The following ARL13B variants were observed in gnomAD, a reference collection of about 807,000 sequenced individuals.
ARL13B encodes ARF like GTPase 13B, also known as ADP-ribosylation factor-like protein 13B.
Under a neutral mutation model 56.1 loss-of-function variants are expected in ARL13B, and 36 were observed. The observed-to-expected ratio is 0.64, with a 90% CI of 0.49 to 0.85. The LOEUF is 0.85. Among genes scored for constraint, ARL13B ranks in the 40% least tolerant of loss-of-function variants. The probability of loss-of-function intolerance (pLI) is 0.00; values close to 1 mark genes in which losing one functional copy is unlikely to be tolerated. For missense variants in ARL13B, 519 were observed against 507.1 expected (o/e 1.02, Z -0.23); for synonymous variants, 178 against 171.1 (o/e 1.04, Z -0.32).
chr3:94,032,042 A>G (rs2076685882), intron 3 of ARL13B, among the ~76,000 whole-genome samples: 1 of 152,166 alleles, frequency 6.6e-6, no homozygotes, highest in Admixed American at 6.5e-5. Context: ...CAAAAGCAAA[A>G]GCAACAAAAC....
At chr3:93,991,820 A>G (rs1256389420) in intron 1 of ARL13B, among the ~76,000 whole-genome samples, 1 of 152,244 alleles carries the variant, frequency 6.6e-6, no homozygotes, top group Non-Finnish European at 1.5e-5. Flanking sequence ...ATGCTTTGTT[A>G]TCAGGCTTTG....
chr3:94,002,759 G>A (rs2076074605), intron 2 of ARL13B, among the ~76,000 whole-genome samples: 1 of 151,994 alleles, frequency 6.6e-6, no homozygotes, highest in Non-Finnish European at 1.5e-5. Flanking sequence ...TATATCATTG[G>A]TCTGCCAGAT....
chr3:93,982,966 T>A (rs1388020033), intron 1 of ARL13B, among the ~76,000 whole-genome samples: 1 of 152,178 alleles, frequency 6.6e-6, no homozygotes, highest in African/African-American at 2.4e-5. Flanking sequence ...CAACAGAAAT[T>A]GCCTGTTTGA....
intron 7 of ARL13B, among the ~76,000 whole-genome samples, chr3:94,043,452 C>G (rs1305705347): frequency 6.7e-6 from 1 of 150,004 alleles, no homozygotes; most frequent in African/African-American, 2.5e-5. Flanking sequence ...TCCTTTGTAA[C>G]TTATAAGGAT....
rs957247971 is a variant in ARL13B, at chr3:94,031,065, G to A, written c.381-4266G>A. ...ACACTAGCTGGGCATAGTGGTATGC[G>A]CCTGTAGTCCCAGCTACTTGAGAGG... On this transcript the variant is annotated intron_variant, in intron 3 of 9. Coordinates refer to ENST00000394222, the MANE Select transcript of ARL13B (RefSeq NM_001174150.2). Among the ~76,000 whole-genome samples the A allele has an allele frequency of 2.6e-5, 4 of 152,052 alleles. No homozygotes were observed. In the East Asian group the frequency reaches 5.8e-4, roughly 22 times the overall value.
At chr3:93,988,463 A>G (rs2044272439) in intron 1 of ARL13B, among the ~76,000 whole-genome samples, 1 of 152,228 alleles carries the variant, frequency 6.6e-6, no homozygotes, top group Non-Finnish European at 1.5e-5. Context: ...CAACCAGAGA[A>G]TTATTTCACC....
At chr3:94,015,555 A>C (rs538760546) in intron 3 of ARL13B, among the ~76,000 whole-genome samples, 1 of 152,206 alleles carries the variant, frequency 6.6e-6, no homozygotes, top group Non-Finnish European at 1.5e-5. Flanking sequence ...AGTTGGTCAA[A>C]AATATTTGTC....
At chr3:94,033,051 A>T (rs1227649950) in intron 3 of ARL13B, among the ~76,000 whole-genome samples, 1 of 152,222 alleles carries the variant, frequency 6.6e-6, no homozygotes, top group Admixed American at 6.5e-5. Context: ...TCAACTATTT[A>T]AAAAAGCATG....
chr3:94,055,338 G>T lies in ARL13B; in HGVS notation c.*2075G>T. Reference sequence around the variant, plus strand: ...ATGATTTCCTTTGGGTAATAAAATAGGTAAAGATTTTAAAATATGATTATT... The same window carrying T: ...ATGATTTCCTTTGGGTAATAAAATATGTAAAGATTTTAAAATATGATTATT... On this transcript the variant is annotated 3_prime_UTR_variant, in exon 10 of 10. Coordinates refer to ENST00000394222, the MANE Select transcript of ARL13B (RefSeq NM_001174150.2). 2.3e-6 allele frequency: 1 copy of T among 434,236 alleles called. No individual in the cohort carries two copies. Among genetic ancestry groups the T allele is most frequent in the Non-Finnish European group, 4.6e-6 (1 of 216,526 alleles). 26.9% of individuals were successfully genotyped at this position (434,236 alleles called of 1,614,324 possible).
At chr3:94,048,761 G>GT (rs145976941) in intron 7 of ARL13B, among the ~76,000 whole-genome samples, 2,514 of 148,490 alleles carry the variant, frequency 0.017, 75 homozygotes, top group African/African-American at 0.058. Context: ...CCATGCTGGG[G>GT]TTTTTTTTTT....
At chr3:94,017,911 T>C (rs2076365164) in intron 3 of ARL13B, among the ~76,000 whole-genome samples, 2 of 152,210 alleles carry the variant, frequency 1.3e-5, no homozygotes, top group South Asian at 4.1e-4. Context: ...ATGGGAAGAA[T>C]GAAGTAGAAA....
intron 1 of ARL13B, among the ~76,000 whole-genome samples, chr3:93,981,109 G>C (rs535311305): frequency 1.3e-5 from 2 of 152,170 alleles, no homozygotes; most frequent in South Asian, 2.1e-4. Flanking sequence ...TAATTGAAAG[G>C]GTCCACTTTT....
At position 94,007,076 on chromosome 3, in the gene ARL13B, C is replaced by T. The variant is rs188255350; in HGVS notation, c.380+3168C>T. 4.0e-4 allele frequency among the ~76,000 whole-genome samples: 61 copies of T among 152,150 alleles called. 1 individual carries two copies. The highest frequency in any genetic ancestry group is 1.4e-3 in the African/African-American group (57 of 41,492). The stretch of plus-strand genomic sequence containing the variant: ...TTTACAGCATCTAATTTCTTCTGCC[C>T]GCGCCTTATCTGAGCCTAAACTAGT... On this transcript the variant is annotated intron_variant, in intron 3 of 9. Coordinates refer to ENST00000394222, the MANE Select transcript of ARL13B (RefSeq NM_001174150.2).
At chr3:93,991,123 A>G (rs969331669) in intron 1 of ARL13B, among the ~76,000 whole-genome samples, 53 of 152,354 alleles carry the variant, frequency 3.5e-4, no homozygotes, top group African/African-American at 1.2e-3. Flanking sequence ...TGCTTAACGT[A>G]CTTTAATTGT....
At position 94,043,171 on chromosome 3, in the gene ARL13B, A is replaced by G. The variant is rs1236392985; in HGVS notation, c.955A>G (p.Asn319Asp). ...QKNNEFGLVENYKEALTQQLK... is the reference protein window; with the variant it reads ...QKNNEFGLVEDYKEALTQQLK... ...AAATAATGAATTTGGACTAGTAGAAAATTATAAGGAGGCATTAACACAGCA... is the reference window on the plus strand; with the variant it reads ...AAATAATGAATTTGGACTAGTAGAAGATTATAAGGAGGCATTAACACAGCA... The change falls in exon 7 of 10, where the codon AAT becomes GAT. Residue 319 changes from asparagine (N) to aspartate (D), a missense_variant. Transcript: ENST00000394222. The G allele has an allele frequency of 1.2e-6, 2 of 1,613,592 alleles. No individual in the cohort carries two copies. The highest frequency in any genetic ancestry group is 1.7e-6 in the Non-Finnish European group (2 of 1,179,904).
At chr3:94,046,369 CTTTATA>C (rs150457337) in intron 7 of ARL13B, among the ~76,000 whole-genome samples, 5,079 of 151,812 alleles carry the variant, frequency 0.033, 270 homozygotes, top group African/African-American at 0.12. Flanking sequence ...TAAAATATTC[CTTTATA>C]TTTATATACT....
chr3:93,980,385 C>T lies in ARL13B; in HGVS notation c.-39C>T, dbSNP rs1429657763. The T allele has an allele frequency of 1.2e-6, 2 of 1,609,138 alleles. No individual in the cohort carries two copies. The highest frequency in any genetic ancestry group is 1.3e-5 in the African/African-American group (1 of 74,902). On this transcript the variant is annotated 5_prime_UTR_variant, in exon 1 of 10. Transcript: ENST00000394222. The stretch of plus-strand genomic sequence containing the variant: ...GAAGAGCGGGGTGCCGGTGTCCGCT[C>T]CGGGCTCGGATGGGAAGTGGTGGGA...
chr3:94,045,820 G>A (rs2076972139), intron 7 of ARL13B, among the ~76,000 whole-genome samples: 1 of 151,428 alleles, frequency 6.6e-6, no homozygotes, highest in Non-Finnish European at 1.5e-5. Context: ...GCGTGGTGGT[G>A]GGCGCCTGTG....
At chr3:93,991,956 AC>A (rs1459911946) in intron 1 of ARL13B, among the ~76,000 whole-genome samples, 1 of 152,206 alleles carries the variant, frequency 6.6e-6, no homozygotes, top group African/African-American at 2.4e-5. Flanking sequence ...TTAAACATTA[AC>A]TAGTTGCAAA....
Sources: allele counts gnomAD v4.1 joint callset (sites outside exome capture counted in the v4.1 genomes callset), GRCh38; gene constraint gnomAD v4.1.1; transcripts MANE v1.5; gene names NCBI Gene and HGNC (gene_info 2026-07-23, HGNC 2026-07-21).